The following MARCHF4 variants were observed in gnomAD, a reference collection of about 807,000 sequenced individuals.
MARCHF4 encodes membrane associated ring-CH-type finger 4, also known as E3 ubiquitin-protein ligase MARCHF4.
In MARCHF4, 14 loss-of-function variants were observed where a neutral mutation model predicts 43.9. That is an observed-to-expected ratio of 0.32 (90% CI 0.21 to 0.50). The LOEUF (loss-of-function observed/expected upper bound fraction) is 0.50, where lower values mean the gene tolerates loss of function less well. MARCHF4 is among the 20% of genes least tolerant of loss of function. The pLI is 0.98. For missense variants in MARCHF4, 468 were observed against 536.7 expected, an observed-to-expected ratio of 0.87 and a Z score of 1.27; for synonymous variants, 226 against 213.3, an observed-to-expected ratio of 1.06 and a Z score of -0.52.
chr2:216,284,672 C>T (rs1414275122), intron 1 of MARCHF4, among the ~76,000 whole-genome samples: 1 of 152,038 alleles, frequency 6.6e-6, no homozygotes, highest in Non-Finnish European at 1.5e-5. Context: ...CTTCATGTTG[C>T]CCAGGCTGGT....
intron 2 of MARCHF4, among the ~76,000 whole-genome samples, chr2:216,282,338 ACT>A (rs1303583789): frequency 6.6e-5 from 10 of 151,412 alleles, no homozygotes; most frequent in Admixed American, 6.6e-4. Flanking sequence ...CCCATGTAAA[ACT>A]CTATGGGGTG....
chr2:216,355,960 C>T (rs1043833741), intron 1 of MARCHF4, among the ~76,000 whole-genome samples: 7 of 152,228 alleles, frequency 4.6e-5, no homozygotes, highest in African/African-American at 7.2e-5. Context: ...GCTGCCTACA[C>T]TCATTCACCT....
chr2:216,259,412 G>A lies in MARCHF4; in HGVS notation c.1133C>T (p.Ala378Val), dbSNP rs1029053879. Reference protein sequence around the residue: ...PSGPLSHHHCAYTILHILSHL... With the variant: ...PSGPLSHHHCVYTILHILSHL... Reference sequence around the variant, plus strand: ...ACTCAGGATGTGCAGGATGGTATAAGCACAGTGGTGATGGGACAGAGGGCC... The same window carrying A: ...ACTCAGGATGTGCAGGATGGTATAAACACAGTGGTGATGGGACAGAGGGCC... Residue 378 changes from alanine to valine, a missense_variant, in exon 4 of 4, where the codon GCT (alanine) becomes GTT (valine). Physicochemically the swap from Ala to Val is moderately conservative, Grantham distance 64. Transcript: ENST00000273067. The A allele has an allele frequency of 1.9e-6, 3 of 1,613,782 alleles. No individual in the cohort carries two copies. Among genetic ancestry groups the A allele is most frequent in the African/African-American group, 2.7e-5 (2 of 74,934 alleles).
At chr2:216,273,109 C>A (rs116456571) in intron 3 of MARCHF4, among the ~76,000 whole-genome samples, 5 of 152,220 alleles carry the variant, frequency 3.3e-5, no homozygotes, top group African/African-American at 1.2e-4. Flanking sequence ...CCTGGCAGGG[C>A]GTATCTGCAG....
intron 1 of MARCHF4, among the ~76,000 whole-genome samples, chr2:216,304,986 G>C (rs975318985): frequency 2.0e-5 from 3 of 152,098 alleles, no homozygotes; most frequent in Non-Finnish European, 4.4e-5. Context: ...AGACTGCATG[G>C]AAGTCATTCA....
intron 3 of MARCHF4, among the ~76,000 whole-genome samples, chr2:216,269,333 G>A (rs1236433853): frequency 6.6e-6 from 1 of 152,132 alleles, no homozygotes; most frequent in Non-Finnish European, 1.5e-5. Flanking sequence ...CCATTTGTTT[G>A]CTGGGAGGCT....
intron 1 of MARCHF4, among the ~76,000 whole-genome samples, chr2:216,331,632 C>T (rs1692082426): frequency 6.6e-6 from 1 of 152,110 alleles, no homozygotes; most frequent in Admixed American, 6.5e-5. Flanking sequence ...GACAATAGAT[C>T]AGGACTAAGC....
chr2:216,290,122 T>C (rs1159148694), intron 1 of MARCHF4, among the ~76,000 whole-genome samples: 2 of 152,170 alleles, frequency 1.3e-5, no homozygotes, highest in Non-Finnish European at 2.9e-5. Flanking sequence ...AAACCATATA[T>C]ACCTAAGAGA....
intron 1 of MARCHF4, among the ~76,000 whole-genome samples, chr2:216,296,772 A>T (rs910862552): frequency 6.6e-6 from 1 of 152,172 alleles, no homozygotes; most frequent in Non-Finnish European, 1.5e-5. Flanking sequence ...CTTCTTCATT[A>T]TCAGCTTCAT....
At chr2:216,343,378 G>A (rs1479376665) in intron 1 of MARCHF4, among the ~76,000 whole-genome samples, 3 of 152,158 alleles carry the variant, frequency 2.0e-5, no homozygotes, top group Non-Finnish European at 4.4e-5. Flanking sequence ...GGCCGAGAGA[G>A]CTTTAGTCTC....
rs190611282 is a variant in MARCHF4, at chr2:216,283,749, G to C, written c.517-20C>G. ...CTCCCCCTGCAGGGAGAGAGCACAG[G>C]GTGATGAGGCTGAGACCTACAGTGG... On this transcript the variant is annotated intron_variant, in intron 1 of 3. Coordinates refer to ENST00000273067, the MANE Select transcript of MARCHF4 (RefSeq NM_020814.3). 9.2e-4 allele frequency: 1,454 copies of C among 1,587,526 alleles called. 4 individuals are homozygous for C. Among genetic ancestry groups the C allele is most frequent in the South Asian group, 1.7e-3 (155 of 89,752 alleles).
At chr2:216,324,406 T>A (rs1023054989) in intron 1 of MARCHF4, among the ~76,000 whole-genome samples, 3 of 151,074 alleles carry the variant, frequency 2.0e-5, no homozygotes, top group Admixed American at 1.3e-4. Context: ...ACTGGTACCA[T>A]TCCTTCTGAA....
intron 1 of MARCHF4, among the ~76,000 whole-genome samples, chr2:216,332,144 A>T (rs749886839): frequency 5.3e-5 from 8 of 152,198 alleles, no homozygotes; most frequent in Non-Finnish European, 1.0e-4. Context: ...TAATCCCAGC[A>T]CTTTGGGAGG....
intron 1 of MARCHF4, among the ~76,000 whole-genome samples, chr2:216,290,049 T>A (rs1691284449): frequency 6.6e-6 from 1 of 152,206 alleles, no homozygotes; most frequent in African/African-American, 2.4e-5. Context: ...ATAAGGATAC[T>A]GCAGTGAATG....
At chr2:216,353,814 C>G (rs1241894189) in intron 1 of MARCHF4, among the ~76,000 whole-genome samples, 5 of 152,224 alleles carry the variant, frequency 3.3e-5, no homozygotes, top group Non-Finnish European at 5.9e-5. Context: ...TCCCAAAATG[C>G]TGGGATTACA....
chr2:216,284,393 G>A (rs530825421), intron 1 of MARCHF4, among the ~76,000 whole-genome samples: 1 of 152,302 alleles, frequency 6.6e-6, no homozygotes, highest in East Asian at 1.9e-4. Flanking sequence ...TGAGTGGACG[G>A]CAGCATTGGG....
chr2:216,302,866 C>A (rs1164571469), intron 1 of MARCHF4, among the ~76,000 whole-genome samples: 1 of 142,868 alleles, frequency 7.0e-6, no homozygotes, highest in Non-Finnish European at 1.5e-5. Flanking sequence ...CCACTGCACT[C>A]CAGCCTGGGT....
At chr2:216,301,563 A>T (rs1691494119) in intron 1 of MARCHF4, among the ~76,000 whole-genome samples, 1 of 152,220 alleles carries the variant, frequency 6.6e-6, no homozygotes. Context: ...TTTCAGAGCA[A>T]TGTGAATTTA....
At chr2:216,267,524 C>T (rs1690865067) in intron 3 of MARCHF4, among the ~76,000 whole-genome samples, 1 of 152,118 alleles carries the variant, frequency 6.6e-6, no homozygotes, top group Admixed American at 6.5e-5. Flanking sequence ...AAGAGAATCT[C>T]CTACTGCTCA....
Sources: gnomAD v4.1 joint callset for allele counts (sites outside exome capture counted in the v4.1 genomes callset) on GRCh38, gnomAD v4.1.1 for gene constraint, MANE v1.5 for transcripts, NCBI Gene and HGNC (gene_info 2026-07-23, HGNC 2026-07-21) for gene names.